The following MYCBPAP variants were observed in gnomAD, a reference collection of about 807,000 sequenced individuals.
MYCBPAP encodes MYCBP associated protein.
MYCBPAP carries 60 observed loss-of-function variants against 106.1 expected under a neutral mutation model. The observed-to-expected ratio is 0.57, with a 90% CI of 0.46 to 0.70. The LOEUF is 0.70. Ranked by LOEUF, MYCBPAP falls within the 30% of genes least tolerant of loss-of-function variation. The probability of loss-of-function intolerance (pLI) is 0.00; values close to 1 mark genes in which losing one functional copy is unlikely to be tolerated. For synonymous variants in MYCBPAP, 407 were observed against 440.6 expected (o/e 0.92, Z 0.95); for missense variants, 1,064 against 1,169.3 (o/e 0.91, Z 1.31).
At chr17:50,528,088 C>A in intron 15 of MYCBPAP, 67 bp from the exon 16 acceptor site, 1 of 1,388,260 alleles carries the variant, frequency 7.2e-7, no homozygotes, top group Non-Finnish European at 1.0e-6. Context: ...GGGAGGGACC[C>A]AAGCCTCTGC....
At chr17:50,516,446 G>C (rs2034054129) in intron 1 of MYCBPAP, 124 bp from the exon 2 acceptor site, 12 of 1,194,820 alleles carry the variant, frequency 1.0e-5, no homozygotes, top group Non-Finnish European at 1.4e-5. Flanking sequence ...TATCTATCCA[G>C]CTGGTCAGCT....
At chr17:50,521,886 A>C in intron 9 of MYCBPAP, 87 bp from the exon 10 acceptor site, 1 of 1,252,310 alleles carries the variant, frequency 8.0e-7, no homozygotes, top group East Asian at 2.4e-5. Flanking sequence ...TTGTGTTTCT[A>C]GGCTTCCTGG....
At chr17:50,528,025 C>T (rs544944798) in intron 15 of MYCBPAP, 130 bp from the exon 16 acceptor site, 6 of 738,766 alleles carry the variant, frequency 8.1e-6, no homozygotes, top group Admixed American at 6.9e-5. Context: ...AGGATGCTGG[C>T]TGTTCAGGGG....
intron 15 of MYCBPAP, among the ~76,000 whole-genome samples, chr17:50,527,946 T>G (rs941312204): frequency 6.6e-6 from 1 of 152,122 alleles, no homozygotes; most frequent in African/African-American, 2.4e-5. Flanking sequence ...CCTGGGCCAT[T>G]TTTTTCTTGG....
chr17:50,523,789 G>T lies in MYCBPAP; in HGVS notation c.1635+5G>T. On this transcript the variant is annotated splice_donor_5th_base_variant and intron_variant, in intron 12 of 18. Coordinates refer to ENST00000323776, the MANE Select transcript of MYCBPAP (RefSeq NM_032133.6). ...GATGAGAGGAAAGTACTGGAGGTAA[G>T]GGACCCAGGACCATGGCCCCTGTGG... The T allele has an allele frequency of 6.2e-7, 1 of 1,613,298 alleles. No homozygotes were observed. The highest frequency in any genetic ancestry group is 1.1e-5 in the South Asian group (1 of 91,036).
In MYCBPAP at chr17:50,508,579, G is replaced by A. The variant is rs1212674212; in HGVS notation, c.-96G>A. 4 of 1,552,920 alleles carry A rather than the reference G, an allele frequency of 2.6e-6. No homozygotes were observed. The highest frequency in any genetic ancestry group is 2.3e-5 in the South Asian group (2 of 85,670). On this transcript the variant is annotated 5_prime_UTR_variant, in exon 1 of 19. Transcript: ENST00000323776. ...CCCCGCGCGGGGCACCGGTTGCTGT[G>A]GACGCAGTGGCGGCCGTTGGCTGGC...
chr17:50,528,874 TG>T (rs1396676378), intron 17 of MYCBPAP, 34 bp downstream of exon 17: 3 of 1,552,820 alleles, frequency 1.9e-6, no homozygotes, highest in African/African-American at 1.4e-5. Context: ...CAGGTGGGGC[TG>T]GGGAGGGGAT....
chr17:50,514,128 A>G (rs983515626), intron 1 of MYCBPAP, among the ~76,000 whole-genome samples: 9 of 152,184 alleles, frequency 5.9e-5, no homozygotes, highest in Non-Finnish European at 1.0e-4. Context: ...GCCTCAAGCA[A>G]TCCTCCCATC....
chr17:50,530,751 G>A (rs150473163), intron 18 of MYCBPAP, among the ~76,000 whole-genome samples: 1 of 152,246 alleles, frequency 6.6e-6, no homozygotes, highest in East Asian at 1.9e-4. Flanking sequence ...CAGGAGGCCA[G>A]AGTAGAACTG....
chr17:50,520,513 A>G (rs1246710114), intron 7 of MYCBPAP, among the ~76,000 whole-genome samples: 2 of 143,440 alleles, frequency 1.4e-5, no homozygotes, highest in Non-Finnish European at 3.1e-5. Flanking sequence ...CTTAAAATAA[A>G]TAAATAAATA....
upstream of MYCBPAP, chr17:50,508,338 A>G (rs1396747406): frequency 2.1e-6 from 1 of 474,768 alleles, no homozygotes; most frequent in Non-Finnish European, 3.6e-6. Context: ...GGCTCCCGCA[A>G]CTCGCGGGGG....
chr17:50,519,893 G>GT, intron 7 of MYCBPAP, 106 bp downstream of exon 7: 18 of 1,271,410 alleles, frequency 1.4e-5, no homozygotes, highest in Non-Finnish European at 1.8e-5. Context: ...CCCAGGGCCT[G>GT]TTTCTCTGTG....
At chr17:50,510,061 C>A (rs2033771624) in intron 1 of MYCBPAP, 1 of 152,284 alleles carries the variant, frequency 6.6e-6, no homozygotes, top group Non-Finnish European at 1.5e-5. Flanking sequence ...AGGGGCCAGA[C>A]CATGAAAGGG....
Position 50,516,527 on chromosome 17 carries a change from A to G in MYCBPAP, c.77-43A>G, listed in dbSNP as rs769937335. Reference sequence around the variant, plus strand: ...TGTATGTATATATTGATATATACAGAAGGAGCTCTTTAAGGACTTAATAAC... The same window carrying G: ...TGTATGTATATATTGATATATACAGGAGGAGCTCTTTAAGGACTTAATAAC... On this transcript the variant is annotated intron_variant, in intron 1 of 18. Coordinates refer to ENST00000323776, the MANE Select transcript of MYCBPAP (RefSeq NM_032133.6). The G allele has an allele frequency of 6.9e-6, 11 of 1,603,934 alleles. No homozygotes were observed. The Admixed American group carries it at 1.9e-4, about 28-fold the overall frequency.
intron 18 of MYCBPAP, among the ~76,000 whole-genome samples, chr17:50,530,784 A>G (rs888323214): frequency 6.6e-6 from 1 of 152,116 alleles, no homozygotes; most frequent in African/African-American, 2.4e-5. Flanking sequence ...GGCCCACCCC[A>G]AACGGCTAAA....
At chr17:50,509,256 G>T in intron 1 of MYCBPAP, 3 of 671,574 alleles carry the variant, frequency 4.5e-6, no homozygotes, top group Admixed American at 2.1e-5. Flanking sequence ...CAGAAGAAAG[G>T]CCTTGCTTGG....
intron 11 of MYCBPAP, 89 bp from the exon 12 acceptor site, chr17:50,523,508 G>A: frequency 7.3e-7 from 1 of 1,378,660 alleles, no homozygotes; most frequent in Admixed American, 2.0e-5. Flanking sequence ...ACCTGGCCTG[G>A]GACTCAGTTA....
intron 5 of MYCBPAP, 49 bp from the exon 6 acceptor site, chr17:50,518,924 CT>C: frequency 1.3e-6 from 2 of 1,561,264 alleles, no homozygotes. Context: ...GCCAAGGCCC[CT>C]GTTTGTTCTG....
At chr17:50,517,477 T>C in intron 3 of MYCBPAP, 25 bp downstream of exon 3, 1 of 1,614,166 alleles carries the variant, frequency 6.2e-7, no homozygotes, top group South Asian at 1.1e-5. Context: ...AGCCCTGGCT[T>C]CACTGTCTTT....
Sources: allele counts gnomAD v4.1 joint callset (sites outside exome capture counted in the v4.1 genomes callset), GRCh38; gene constraint gnomAD v4.1.1; transcripts MANE v1.5; gene names NCBI Gene and HGNC (gene_info 2026-07-23, HGNC 2026-07-21).